FBN2: variants seen among roughly 807,000 people sequenced by gnomAD.
FBN2 encodes the protein fibrillin 2, also known as fibrillin-2.
In FBN2, 105 loss-of-function variants were observed where a neutral mutation model predicts 355.6. That is an observed-to-expected ratio of 0.30 (90% CI 0.25 to 0.35). The LOEUF (loss-of-function observed/expected upper bound fraction) is 0.35, where lower values mean the gene tolerates loss of function less well. Ranked by LOEUF, FBN2 falls within the 10% of genes least tolerant of loss-of-function variation. The pLI, the probability that FBN2 is intolerant of heterozygous loss-of-function variation, is 1.00. For synonymous variants in FBN2, 1,350 were observed against 1,301.2 expected, an observed-to-expected ratio of 1.04 and a Z score of -0.81; for missense variants, 3,280 against 3,758.7, an observed-to-expected ratio of 0.87 and a Z score of 3.33.
In FBN2 at chr5:128,345,529, G is replaced by A. The variant is rs371640952; in HGVS notation, c.3045C>T (p.Pro1015=). ...LKWDEDECIH[P]VPGKFRMDAC... is the part of the protein sequence containing the mutation. Reference sequence around the variant, plus strand: ...CATCCATGCGGAACTTTCCAGGAACGGGGTGGATGCATTCATCTTCATCCC... The same window carrying A: ...CATCCATGCGGAACTTTCCAGGAACAGGGTGGATGCATTCATCTTCATCCC... Residue 1015 remains proline, a synonymous_variant, in exon 24 of 65, where the codon CCC becomes CCT. Transcript: ENST00000262464. 30 of 1,614,008 alleles carry A rather than the reference G, an allele frequency of 1.9e-5. No homozygotes were observed. The highest frequency in any genetic ancestry group is 6.7e-5 in the East Asian group (3 of 44,882).
intron 8 of FBN2, among the ~76,000 whole-genome samples, chr5:128,402,626 T>C (rs1444651512): frequency 6.6e-6 from 1 of 152,192 alleles, no homozygotes; most frequent in Non-Finnish European, 1.5e-5. Flanking sequence ...ATGTCTCCTG[T>C]GGAATTAGGT....
intron 6 of FBN2, among the ~76,000 whole-genome samples, chr5:128,449,407 TA>T (rs775089543): frequency 1.4e-4 from 13 of 91,172 alleles, no homozygotes; most frequent in African/African-American, 7.2e-4. Flanking sequence ...ACTGTATAAT[TA>T]TATAGTATAC....
At chr5:128,298,579 C>A (rs1382352870) in intron 48 of FBN2, among the ~76,000 whole-genome samples, 2 of 152,162 alleles carry the variant, frequency 1.3e-5, no homozygotes, top group African/African-American at 2.4e-5. Context: ...CACTTCATTT[C>A]ATTCATTTCA....
At chr5:128,465,631 T>A (rs1453910881) in intron 5 of FBN2, among the ~76,000 whole-genome samples, 1 of 152,232 alleles carries the variant, frequency 6.6e-6, no homozygotes, top group Non-Finnish European at 1.5e-5. Flanking sequence ...ATCTCATTAA[T>A]AAGGCACATA....
At chr5:128,465,046 G>T in intron 5 of FBN2, 125 bp from the exon 6 acceptor site, 1 of 935,090 alleles carries the variant, frequency 1.1e-6, no homozygotes. Flanking sequence ...CAGAAGGCTA[G>T]AGAGTTTCAT....
intron 63 of FBN2, 59 bp downstream of exon 63, chr5:128,263,366 C>A: frequency 7.6e-7 from 1 of 1,318,940 alleles, no homozygotes; most frequent in Admixed American, 1.7e-5. Context: ...TGGGGGGTGG[C>A]CTGAACTCAC....
chr5:128,366,917 G>A (rs774556702), intron 16 of FBN2, among the ~76,000 whole-genome samples: 54 of 152,144 alleles, frequency 3.5e-4, no homozygotes, highest in Non-Finnish European at 4.7e-4. Flanking sequence ...ACAGAGAAGT[G>A]CAGTAACTTG....
intron 3 of FBN2, among the ~76,000 whole-genome samples, chr5:128,529,843 A>G (rs899256718): frequency 2.0e-5 from 3 of 152,208 alleles, no homozygotes; most frequent in Non-Finnish European, 4.4e-5. Flanking sequence ...AGTGAAATTA[A>G]GAGAGTTTTC....
chr5:128,279,549 C>G (rs973618669), intron 56 of FBN2, among the ~76,000 whole-genome samples: 1 of 151,978 alleles, frequency 6.6e-6, no homozygotes, highest in African/African-American at 2.4e-5. Context: ...CATATGACGT[C>G]ATTCAGAAAA....
intron 6 of FBN2, among the ~76,000 whole-genome samples, chr5:128,458,096 C>A (rs1235081949): frequency 6.6e-6 from 1 of 152,000 alleles, no homozygotes. Flanking sequence ...AAGACACACA[C>A]AGGCTCAAAA....
rs962326082 is a variant in FBN2 at position 128,537,845 on chromosome 5, G to A, written c.-242C>T. The A allele has an allele frequency of 3.4e-6, 2 of 593,098 alleles. No individual in the cohort carries two copies. The highest frequency in any genetic ancestry group is 2.0e-5 in the South Asian group (1 of 50,126). 36.7% of individuals were successfully genotyped at this position (593,098 alleles called of 1,614,324 possible). A position where few individuals can be genotyped will look rare whatever the true frequency, so the allele number is the denominator to read the frequency against. On this transcript the variant is annotated 5_prime_UTR_variant, in exon 1 of 65. Transcript: ENST00000262464. ...GTGAGCGGCGAGGCGCGGCGGAGGT[G>A]CAGCCGGCAGCCCCGAGCGGTACAC...
At chr5:128,492,657 G>C (rs1438972393) in intron 5 of FBN2, among the ~76,000 whole-genome samples, 2 of 152,010 alleles carry the variant, frequency 1.3e-5, no homozygotes, top group South Asian at 4.1e-4. Flanking sequence ...ACAAAAATTA[G>C]CTGGGTGTGG....
intron 12 of FBN2, among the ~76,000 whole-genome samples, chr5:128,378,208 G>A (rs1208213173): frequency 6.6e-6 from 1 of 152,032 alleles, no homozygotes; most frequent in East Asian, 1.9e-4. Flanking sequence ...TTGGATAAGT[G>A]TAAAGTAACT....
chr5:128,521,894 T>C (rs1435409867), intron 4 of FBN2, among the ~76,000 whole-genome samples: 2 of 152,222 alleles, frequency 1.3e-5, no homozygotes, highest in Non-Finnish European at 2.9e-5. Context: ...ATCTAATCTG[T>C]CTAGGTTAGA....
At chr5:128,296,818 T>G (rs2126828449) in intron 48 of FBN2, among the ~76,000 whole-genome samples, 1 of 152,098 alleles carries the variant, frequency 6.6e-6, no homozygotes, top group African/African-American at 2.4e-5. Context: ...TTTGAAGGGT[T>G]TTTTGTGTCT....
chr5:128,437,753 A>T (rs1375591509), intron 7 of FBN2, among the ~76,000 whole-genome samples: 1 of 151,714 alleles, frequency 6.6e-6, no homozygotes, highest in Admixed American at 6.6e-5. Flanking sequence ...AGATAAATAG[A>T]TAGATAAATA....
intron 55 of FBN2, among the ~76,000 whole-genome samples, chr5:128,282,279 A>T (rs1183503745): frequency 6.6e-6 from 1 of 152,096 alleles, no homozygotes; most frequent in Non-Finnish European, 1.5e-5. Context: ...TTAGAAAAAA[A>T]CACTTACTTC....
At chr5:128,310,989 T>A (rs994000101) in intron 39 of FBN2, among the ~76,000 whole-genome samples, 1 of 152,210 alleles carries the variant, frequency 6.6e-6, no homozygotes, top group Admixed American at 6.5e-5. Context: ...ATTTTTCCTA[T>A]GTAAAATGTA....
chr5:128,334,904 T>C, intron 30 of FBN2, 60 bp from the exon 31 acceptor site: 1 of 1,434,280 alleles, frequency 7.0e-7, no homozygotes, highest in Admixed American at 1.7e-5. Context: ...AAAAGCTATC[T>C]TCTACACTGA....
Sources: allele counts gnomAD v4.1 joint callset (sites outside exome capture counted in the v4.1 genomes callset), GRCh38; gene constraint gnomAD v4.1.1; transcripts MANE v1.5; gene names NCBI Gene and HGNC (gene_info 2026-07-23, HGNC 2026-07-21).